Variants in TNFRSF10B observed in about 807,000 individuals in gnomAD.
TNFRSF10B encodes tumor necrosis factor receptor superfamily member 10B.
Under a neutral mutation model 41.4 loss-of-function variants are expected in TNFRSF10B, and 35 were observed. That is an observed-to-expected ratio of 0.85 (90% CI 0.65 to 1.12). The LOEUF (loss-of-function observed/expected upper bound fraction) is 1.12. TNFRSF10B is among the 50% of genes most tolerant of loss of function. The pLI, the probability that TNFRSF10B is intolerant of heterozygous loss-of-function variation, is 0.00. For missense variants in TNFRSF10B, 584 were observed against 552.7 expected (o/e 1.06, Z -0.57); for synonymous variants, 230 against 215.5 (o/e 1.07, Z -0.59).
chr8:23,047,401 G>A (rs1011277268), intron 1 of TNFRSF10B, among the ~76,000 whole-genome samples: 1 of 148,858 alleles, frequency 6.7e-6, no homozygotes, highest in African/African-American at 2.5e-5. Flanking sequence ...GGAAACAACA[G>A]AGTGAAGCAA....
chr8:23,037,328 G>C (rs1812056338), intron 2 of TNFRSF10B, among the ~76,000 whole-genome samples: 1 of 152,182 alleles, frequency 6.6e-6, no homozygotes, highest in African/African-American at 2.4e-5. Flanking sequence ...CCAATCTATA[G>C]GCAGCAGAGT....
At chr8:23,052,410 C>A (rs894260544) in intron 1 of TNFRSF10B, among the ~76,000 whole-genome samples, 1 of 151,804 alleles carries the variant, frequency 6.6e-6, no homozygotes, top group South Asian at 2.1e-4. Flanking sequence ...CTCAGCCTCC[C>A]GAGTAGGTGG....
chr8:23,068,117 C>T (rs997003754), intron 1 of TNFRSF10B: 1 of 152,880 alleles, frequency 6.5e-6, no homozygotes, highest in Non-Finnish European at 1.5e-5. Context: ...CTCGTTTTCC[C>T]AAGGAACCCC....
chr8:23,068,942 C>T lies in TNFRSF10B; in HGVS notation c.-48G>A, dbSNP rs1483050714. 5 of 1,612,766 alleles carry T rather than the reference C, an allele frequency of 3.1e-6. No individual in the cohort carries two copies. The highest frequency in any genetic ancestry group is 4.2e-6 in the Non-Finnish European group (5 of 1,179,884). ...GTCTCTCAGGCCCGTGGGTTTCAGC[C>T]CTTAAAGTAGATCGGGCATCGTCGG... On this transcript the variant is annotated 5_prime_UTR_variant, in exon 1 of 9. Coordinates refer to ENST00000276431, the MANE Select transcript of TNFRSF10B (RefSeq NM_003842.5).
chr8:23,030,944 G>A (rs1450032181), intron 2 of TNFRSF10B, 72 bp from the exon 3 acceptor site: 2 of 1,098,860 alleles, frequency 1.8e-6, no homozygotes, highest in Non-Finnish European at 2.7e-6. Context: ...GTGGCTGGGG[G>A]ACTCCTCTTT....
In TNFRSF10B at chr8:23,022,312, C is replaced by A. The variant is rs757096469; in HGVS notation, c.*359G>T. ...TATAGTATCAAGTGAAGTCGGACAA[C>A]GACTGTGTAGATGGATCTTACAATG... is the stretch of plus-strand genomic sequence containing the variant. On this transcript the variant is annotated 3_prime_UTR_variant, in exon 9 of 9. Coordinates refer to ENST00000276431, the MANE Select transcript of TNFRSF10B (RefSeq NM_003842.5). 2 of 461,146 alleles carry A rather than the reference C, an allele frequency of 4.3e-6. No homozygotes were observed. Among genetic ancestry groups the A allele is most frequent in the Non-Finnish European group, 8.6e-6 (2 of 231,860 alleles). 28.6% of individuals were successfully genotyped at this position (461,146 alleles called of 1,614,324 possible).
chr8:23,054,500 G>A (rs1812607872), intron 1 of TNFRSF10B, among the ~76,000 whole-genome samples: 1 of 152,164 alleles, frequency 6.6e-6, no homozygotes, highest in Non-Finnish European at 1.5e-5. Flanking sequence ...ATTTGCATAA[G>A]TGCAGTAAGA....
chr8:23,028,677 CT>C (rs1451407699), intron 4 of TNFRSF10B, 75 bp from the exon 5 acceptor site: 58 of 1,569,914 alleles, frequency 3.7e-5, no homozygotes, highest in Non-Finnish European at 4.5e-5. Flanking sequence ...AGGAGCCACC[CT>C]CCCTCCCCAG....
intron 2 of TNFRSF10B, among the ~76,000 whole-genome samples, chr8:23,041,037 AAG>A (rs1443829957): frequency 6.7e-6 from 1 of 148,166 alleles, no homozygotes; most frequent in Non-Finnish European, 1.5e-5. Flanking sequence ...AATGACTGCA[AAG>A]ATATATGATA....
Position 23,022,917 on chromosome 8 carries a change from C to T in TNFRSF10B, c.1077G>A (p.Arg359=). The T allele has an allele frequency of 6.2e-7, 1 of 1,614,098 alleles. No individual in the cohort carries two copies. The highest frequency in any genetic ancestry group is 8.5e-7 in the Non-Finnish European group (1 of 1,180,020). Residue 359 remains arginine (R), a synonymous_variant, in exon 9 of 9, where the codon AGG becomes AGA. Coordinates refer to ENST00000276431, the MANE Select transcript of TNFRSF10B (RefSeq NM_003842.5). ...VPFDSWEPLM[R]KLGLMDNEIK... The stretch of plus-strand genomic sequence containing the variant: ...TCTCATTGTCCATGAGGCCCAACTT[C>T]CTCATGAGCGGCTCCCAGGAGTCAA...
intron 1 of TNFRSF10B, among the ~76,000 whole-genome samples, chr8:23,057,425 T>G (rs1373446361): frequency 2.7e-5 from 4 of 148,592 alleles, no homozygotes; most frequent in African/African-American, 1.0e-4. Context: ...CTCTGAATTC[T>G]GTAATTTTTT....
At chr8:23,036,417 G>A (rs945384558) in intron 2 of TNFRSF10B, among the ~76,000 whole-genome samples, 1 of 152,192 alleles carries the variant, frequency 6.6e-6, no homozygotes. Context: ...ATGGCCTCAT[G>A]AGGAATTCCC....
At chr8:23,068,384 A>T (rs1813062675) in intron 1 of TNFRSF10B, 1 of 315,098 alleles carries the variant, frequency 3.2e-6, no homozygotes. Flanking sequence ...AGGGAGGGAA[A>T]GAAAGGAAGA....
intron 2 of TNFRSF10B, among the ~76,000 whole-genome samples, chr8:23,041,185 A>C (rs1261464420): frequency 2.0e-5 from 3 of 151,814 alleles, no homozygotes; most frequent in African/African-American, 7.3e-5. Flanking sequence ...CAGCCTCCCA[A>C]GTAGCTGGGA....
Position 23,027,769 on chromosome 8 carries a change from T to G in TNFRSF10B, c.749-16A>C, listed in dbSNP as rs370843548. 2 of 1,613,304 alleles carry G rather than the reference T, an allele frequency of 1.2e-6. No homozygotes were observed. Among genetic ancestry groups the G allele is most frequent in the Non-Finnish European group, 1.7e-6 (2 of 1,179,882 alleles). On this transcript the variant is annotated splice_polypyrimidine_tract_variant and intron_variant, in intron 5 of 8. Coordinates refer to ENST00000276431, the MANE Select transcript of TNFRSF10B (RefSeq NM_003842.5). ...CCACCACCACCTAAAAAAGAAGCAG[T>G]CTCCTTAGCAGGAAGGGAGGGGCCC...
rs780350373 is a variant in TNFRSF10B at position 23,020,503 on chromosome 8, C to T, written c.*2168G>A. On this transcript the variant is annotated 3_prime_UTR_variant, in exon 9 of 9. Coordinates refer to ENST00000276431, the MANE Select transcript of TNFRSF10B (RefSeq NM_003842.5). ...GGTCAGGAGTTCGAGACCAGCCTGA[C>T]CAACATGGTGAAACCCCGTCTCTAC... 5 of 452,088 alleles carry T rather than the reference C, an allele frequency of 1.1e-5. No individual in the cohort carries two copies. Among genetic ancestry groups the T allele is most frequent in the South Asian group, 7.8e-5 (5 of 64,410 alleles). The allele number at this position is 452,088 out of a possible 1,614,324, so 28.0% of individuals were successfully genotyped here.
At chr8:23,064,087 C>G (rs1812912945) in intron 1 of TNFRSF10B, among the ~76,000 whole-genome samples, 1 of 152,254 alleles carries the variant, frequency 6.6e-6, no homozygotes, top group African/African-American at 2.4e-5. Flanking sequence ...CCCTTCCTTT[C>G]CTTAGCACAG....
intron 2 of TNFRSF10B, among the ~76,000 whole-genome samples, chr8:23,041,620 A>C (rs137900668): frequency 2.6e-5 from 4 of 152,062 alleles, no homozygotes; most frequent in Admixed American, 2.6e-4. Context: ...AAAAAAAAAA[A>C]AAACCTAACC....
chr8:23,030,937 G>T, intron 2 of TNFRSF10B, 65 bp from the exon 3 acceptor site: 3 of 1,157,486 alleles, frequency 2.6e-6, no homozygotes, highest in Non-Finnish European at 2.5e-6. Flanking sequence ...GGCAGTGGTG[G>T]CTGGGGGACT....
Sources: allele counts gnomAD v4.1 joint callset (sites outside exome capture counted in the v4.1 genomes callset), GRCh38; gene constraint gnomAD v4.1.1; transcripts MANE v1.5; gene names NCBI Gene and HGNC (gene_info 2026-07-23, HGNC 2026-07-21).